SFTPC: variants seen among roughly 807,000 people sequenced by gnomAD.
The protein encoded by SFTPC is surfactant protein C.
A neutral mutation model predicts 19.9 loss-of-function variants in SFTPC; 12 were observed. The observed-to-expected ratio is 0.60, with a 90% confidence interval of 0.39 to 0.98. SFTPC has a LOEUF of 0.98. Ranked by LOEUF, SFTPC falls within the 50% of genes least tolerant of loss-of-function variation. The pLI, the probability that SFTPC is intolerant of heterozygous loss-of-function variation, is 0.00. For synonymous variants in SFTPC, 123 were observed against 103.3 expected, an observed-to-expected ratio of 1.19 and a Z score of -1.16; for missense variants, 219 against 252.2, an observed-to-expected ratio of 0.87 and a Z score of 0.89.
rs1191931272 is a variant in SFTPC, at chr8:22,161,851, TC to T, written c.25del (p.Leu9Ter). The T allele has an allele frequency of 1.2e-6, 2 of 1,613,466 alleles. No individual in the cohort carries two copies. The highest frequency in any genetic ancestry group is 2.7e-5 in the African/African-American group (2 of 74,716). On this transcript the variant is annotated frameshift_variant, in exon 1 of 6. Transcript: ENST00000679463. LOFTEE classifies it high-confidence loss of function. Reference sequence around the variant, plus strand: ...AAGATGGATGTGGGCAGCAAAGAGGTCCTGATGGAGAGCCCGCCGGTGAGTG... The same window carrying T: ...AAGATGGATGTGGGCAGCAAAGAGGTCTGATGGAGAGCCCGCCGGTGAGTG... The part of the protein sequence containing the change: MDVGSKE[V>X]LMESPPDYSA...
chr8:22,158,495 C>T (rs922125966), upstream of SFTPC: 2 of 152,276 alleles, frequency 1.3e-5, no homozygotes, highest in Non-Finnish European at 2.9e-5. Flanking sequence ...AAGGGGTGGC[C>T]ACCGTGGGGC....
chr8:22,161,871 G>A lies in SFTPC; in HGVS notation c.42+1G>A, dbSNP rs1827739363. 6.2e-7 allele frequency: 1 copy of A among 1,613,840 alleles called. No individual in the cohort carries two copies. The stretch of plus-strand genomic sequence containing the variant: ...AGAGGTCCTGATGGAGAGCCCGCCG[G>A]TGAGTGTGGTTGCGTGTGTGTATGT... On this transcript the variant is annotated splice_donor_variant, in intron 1 of 5. Transcript: ENST00000679463. LOFTEE classifies it high-confidence loss of function.
chr8:22,162,790 G>A, intron 2 of SFTPC, 58 bp downstream of exon 2: 1 of 1,600,564 alleles, frequency 6.2e-7, no homozygotes, highest in South Asian at 1.1e-5. Context: ...GCGGGGCTAG[G>A]TGGGATGGGC....
chr8:22,163,845 G>C (rs747937184), intron 4 of SFTPC, 56 bp from the exon 5 acceptor site: 1 of 1,470,772 alleles, frequency 6.8e-7, no homozygotes, highest in Non-Finnish European at 9.5e-7. Flanking sequence ...CACAATAAGG[G>C]CTGCACATGG....
At position 22,164,258 on chromosome 8, in the gene SFTPC, C is replaced by T; in HGVS notation, c.*19-8C>T. ...TCTGTCCATCCTCAACATTCCTTTG[C>T]TTCACAGGGTCAGTGGAAGCCCCAA... is the stretch of plus-strand genomic sequence containing the variant. On this transcript the variant is annotated splice_region_variant and splice_polypyrimidine_tract_variant and intron_variant, in intron 5 of 5. Transcript: ENST00000679463. The T allele has an allele frequency of 6.5e-7, 1 of 1,536,160 alleles. No individual in the cohort carries two copies. Among genetic ancestry groups the T allele is most frequent in the Non-Finnish European group, 8.7e-7 (1 of 1,146,872 alleles).
rs1157566045 is a variant in SFTPC at position 22,163,420 on chromosome 8, A to G, written c.325-16A>G. On this transcript the variant is annotated splice_polypyrimidine_tract_variant and intron_variant, in intron 3 of 5. Transcript: ENST00000679463. ...GGGCAGGGACCCCCGAATGATCTCC[A>G]GCATTCTGTGCCTAGCTGCTGATCG... 1.2e-6 allele frequency: 2 copies of G among 1,607,408 alleles called. No homozygotes were observed. The highest frequency in any genetic ancestry group is 3.3e-5 in the Admixed American group (2 of 59,946).
chr8:22,163,364 G>A lies in SFTPC; in HGVS notation c.325-72G>A, dbSNP rs533510538. On this transcript the variant is annotated intron_variant, in intron 3 of 5. Transcript: ENST00000679463. ...ACTCCCGTGCCCAACCTAGAGGGAG[G>A]TGGCTAAGGACCTGGGTCAGGGAGA... The A allele has an allele frequency of 9.3e-6, 14 of 1,510,458 alleles. No homozygotes were observed. In the African/African-American group the frequency reaches 1.5e-4, roughly 16 times the overall value. 93.6% of individuals were successfully genotyped at this position (1,510,458 alleles called of 1,614,324 possible). A position where few individuals can be genotyped will look rare whatever the true frequency, so the allele number is the denominator to read the frequency against.
chr8:22,164,274 G>T lies in SFTPC; in HGVS notation c.*27G>T. ...ATTCCTTTGCTTCACAGGGTCAGTGGAAGCCCCAACGGGAAAGGAAACGCC... is the reference window on the plus strand; with the variant it reads ...ATTCCTTTGCTTCACAGGGTCAGTGTAAGCCCCAACGGGAAAGGAAACGCC... On this transcript the variant is annotated 3_prime_UTR_variant, in exon 6 of 6. Coordinates refer to ENST00000679463, the MANE Select transcript of SFTPC (RefSeq NM_001317778.2). 1 of 1,536,202 alleles carries T rather than the reference G, an allele frequency of 6.5e-7. No individual in the cohort carries two copies.
intron 1 of SFTPC, 142 bp downstream of exon 1, chr8:22,162,012 G>T: frequency 1.1e-6 from 1 of 911,256 alleles, no homozygotes; most frequent in East Asian, 2.6e-5. Context: ...GTCAGGATGG[G>T]GACACCAAGA....
chr8:22,162,686 G>A lies in SFTPC; in HGVS notation c.155G>A (p.Gly52Glu). 6.2e-7 allele frequency: 1 copy of A among 1,614,204 alleles called. No homozygotes were observed. ...GTCCTCATCGTCGTGGTGATTGTGGGAGCCCTGCTCATGGGTCTCCACATG... is the reference window on the plus strand; with the variant it reads ...GTCCTCATCGTCGTGGTGATTGTGGAAGCCCTGCTCATGGGTCTCCACATG... ...VVVLIVVVIV[G>E]ALLMGLHMSQ... is the part of the protein sequence containing the mutation. The change falls in exon 2 of 6, where the codon GGA becomes GAA. Residue 52 changes from glycine (G) to glutamate (E), a missense_variant. Gly to Glu is a moderately conservative substitution (Grantham distance 98). Transcript: ENST00000679463.
Position 22,162,715 on chromosome 8 carries a change from C to A in SFTPC, c.184C>A (p.Gln62Lys). The change falls in exon 2 of 6, where the codon CAG (glutamine) becomes AAG (lysine). Residue 62 changes from glutamine to lysine, a missense_variant. Coordinates refer to ENST00000679463, the MANE Select transcript of SFTPC (RefSeq NM_001317778.2). The stretch of plus-strand genomic sequence containing the variant: ...CCTGCTCATGGGTCTCCACATGAGC[C>A]AGAAACACACGGAGATGGTGAGAGG... ...GALLMGLHMS[Q>K]KHTEMVLEMS... 6.2e-7 allele frequency: 1 copy of A among 1,614,068 alleles called. No individual in the cohort carries two copies. Among genetic ancestry groups the A allele is most frequent in the Non-Finnish European group, 8.5e-7 (1 of 1,180,022 alleles).
intron 5 of SFTPC, 89 bp downstream of exon 5, chr8:22,164,148 T>C: frequency 6.4e-7 from 1 of 1,564,672 alleles, no homozygotes; most frequent in South Asian, 1.2e-5. Context: ...GACCAGGCGC[T>C]GGGGCGTCCA....
Position 22,163,494 on chromosome 8 carries a change from C to G in SFTPC, c.383C>G (p.Pro128Arg). 6.2e-7 allele frequency: 1 copy of G among 1,614,072 alleles called. No individual in the cohort carries two copies. The highest frequency in any genetic ancestry group is 8.5e-7 in the Non-Finnish European group (1 of 1,180,014). The change falls in exon 4 of 6, where the codon CCA becomes CGA. Residue 128 changes from proline to arginine, a missense_variant. Transcript: ENST00000679463. ...GTCCYIMKIAPESIPSLEALT... is the reference protein window; with the variant it reads ...GTCCYIMKIARESIPSLEALT... ...TGCTGCTACATCATGAAGATAGCTC[C>G]AGAGAGCATCCCCAGTCTTGAGGCT...
rs1440744299 is a variant in SFTPC at position 22,164,408 on chromosome 8, G to A, written c.*161G>A. On this transcript the variant is annotated 3_prime_UTR_variant, in exon 6 of 6. Coordinates refer to ENST00000679463, the MANE Select transcript of SFTPC (RefSeq NM_001317778.2). The stretch of plus-strand genomic sequence containing the variant: ...GGGAGCTTGGGGAGAGGATGGGAGT[G>A]GGCAGAGGTGGCGCCCAGGGGCCCG... 1.3e-6 allele frequency: 2 copies of A among 1,513,874 alleles called. No individual in the cohort carries two copies. The highest frequency in any genetic ancestry group is 2.2e-5 in the Admixed American group (1 of 45,644). The allele number at this position is 1,513,874 out of a possible 1,614,324, so 93.8% of individuals were successfully genotyped here.
chr8:22,164,254 T>C lies in SFTPC; in HGVS notation c.*19-12T>C. On this transcript the variant is annotated splice_polypyrimidine_tract_variant and intron_variant, in intron 5 of 5. Transcript: ENST00000679463. ...TCTCTCTGTCCATCCTCAACATTCC[T>C]TTGCTTCACAGGGTCAGTGGAAGCC... The C allele has an allele frequency of 6.5e-7, 1 of 1,536,112 alleles. No homozygotes were observed. The highest frequency in any genetic ancestry group is 1.2e-5 in the South Asian group (1 of 84,074).
At chr8:22,157,879 C>G (rs532681524), upstream of SFTPC, among the ~76,000 whole-genome samples, 1 of 152,196 alleles carries the variant, frequency 6.6e-6, no homozygotes, top group South Asian at 2.1e-4. Flanking sequence ...GGGTTTATTA[C>G]TGATATTTTA....
In SFTPC at chr8:22,163,460, C is replaced by A. The variant is rs1827855203; in HGVS notation, c.349C>A (p.Pro117Thr). The A allele has an allele frequency of 6.2e-7, 1 of 1,614,056 alleles. No homozygotes were observed. The highest frequency in any genetic ancestry group is 8.5e-7 in the Non-Finnish European group (1 of 1,179,978). The stretch of plus-strand genomic sequence containing the variant: ...GCTGCTGATCGCCTACAAGCCAGCC[C>A]CTGGCACCTGCTGCTACATCATGAA... Reference protein sequence around the residue: ...QQLLIAYKPAPGTCCYIMKIA... With the variant: ...QQLLIAYKPATGTCCYIMKIA... Residue 117 changes from proline (P) to threonine (T), a missense_variant, in exon 4 of 6, where the codon CCT (proline) becomes ACT (threonine). Physicochemically the swap from Pro to Thr is conservative, Grantham distance 38 (BLOSUM62 -1). Coordinates refer to ENST00000679463, the MANE Select transcript of SFTPC (RefSeq NM_001317778.2).
At chr8:22,163,734 T>A in intron 4 of SFTPC, 167 bp from the exon 5 acceptor site, 1 of 822,648 alleles carries the variant, frequency 1.2e-6, no homozygotes, top group Non-Finnish European at 2.1e-6. Context: ...TGGGCTCAGC[T>A]GAGTCCACTC....
chr8:22,163,311 T>C, intron 3 of SFTPC, 109 bp downstream of exon 3: 1 of 1,560,994 alleles, frequency 6.4e-7, no homozygotes, highest in Admixed American at 1.7e-5. Context: ...TCCAGACCTT[T>C]TTTGCCTGAG....
Sources: gnomAD v4.1 joint callset for allele counts (sites outside exome capture counted in the v4.1 genomes callset) on GRCh38, gnomAD v4.1.1 for gene constraint, MANE v1.5 for transcripts, NCBI Gene and HGNC (gene_info 2026-07-23, HGNC 2026-07-21) for gene names.